The following CAP2 variants were observed in gnomAD, a reference collection of about 807,000 sequenced individuals.
The protein encoded by CAP2 is adenylyl cyclase-associated protein 2.
In CAP2, 24 loss-of-function variants were observed where a neutral mutation model predicts 57.7. That is an observed-to-expected ratio of 0.42 (90% CI 0.30 to 0.58). The LOEUF (loss-of-function observed/expected upper bound fraction) is 0.58, where lower values mean the gene tolerates loss of function less well. Among genes scored for constraint, CAP2 ranks in the 20% least tolerant of loss-of-function variants. The probability of loss-of-function intolerance (pLI) is 0.22; values close to 1 mark genes in which losing one functional copy is unlikely to be tolerated. For synonymous variants in CAP2, 194 were observed against 207.2 expected (o/e 0.94, Z 0.55); for missense variants, 501 against 590.3 (o/e 0.85, Z 1.57).
intron 4 of CAP2, among the ~76,000 whole-genome samples, chr6:17,488,872 A>C (rs1761483694): frequency 2.0e-5 from 3 of 152,156 alleles, no homozygotes; most frequent in Admixed American, 2.0e-4. Context: ...CTGCTGCTTC[A>C]TATCTGTTCC....
At chr6:17,418,847 C>T (rs562525633) in intron 1 of CAP2, among the ~76,000 whole-genome samples, 7 of 152,238 alleles carry the variant, frequency 4.6e-5, no homozygotes, top group South Asian at 2.1e-4. Flanking sequence ...AAGAGGATTA[C>T]GTAAAGGATT....
chr6:17,401,658 G>T (rs1448190142), intron 1 of CAP2, among the ~76,000 whole-genome samples: 1 of 152,220 alleles, frequency 6.6e-6, no homozygotes, highest in Non-Finnish European at 1.5e-5. Flanking sequence ...CGGCAGTCAT[G>T]CTAGAAGCTG....
chr6:17,537,433 C>T (rs1328563263), intron 7 of CAP2, among the ~76,000 whole-genome samples: 1 of 151,816 alleles, frequency 6.6e-6, no homozygotes, highest in African/African-American at 2.4e-5. Flanking sequence ...GTGATCCAAG[C>T]GATCTACCCT....
At chr6:17,420,882 G>A (rs182993343) in intron 1 of CAP2, among the ~76,000 whole-genome samples, 4 of 152,062 alleles carry the variant, frequency 2.6e-5, no homozygotes, top group Non-Finnish European at 2.9e-5. Context: ...TGAATTTCAC[G>A]TATTTTTCTG....
intron 1 of CAP2, among the ~76,000 whole-genome samples, chr6:17,415,995 C>T (rs182398307): frequency 2.0e-4 from 30 of 151,812 alleles, no homozygotes; most frequent in African/African-American, 7.0e-4. Flanking sequence ...CAAAAATGAC[C>T]CCAAAGAGAT....
At position 17,414,376 on chromosome 6, in the gene CAP2, A is replaced by G. The variant is rs554660861; in HGVS notation, c.-1-7179A>G. ...TGTGTCATGGTAGTTTGCTGCACCT[A>G]TTGACCCGTCCTCCAAGTTCCTCCC... is the stretch of plus-strand genomic sequence containing the variant. On this transcript the variant is annotated intron_variant, in intron 1 of 12. Transcript: ENST00000229922. Among the ~76,000 whole-genome samples the G allele has an allele frequency of 2.6e-5, 4 of 152,000 alleles. No homozygotes were observed. The South Asian group carries it at 8.3e-4, about 32-fold the overall frequency.
chr6:17,529,241 G>A (rs946964352), intron 7 of CAP2, among the ~76,000 whole-genome samples: 3 of 152,148 alleles, frequency 2.0e-5, no homozygotes, highest in African/African-American at 7.2e-5. Flanking sequence ...AAATTTGCAA[G>A]TTATTATGGA....
intron 3 of CAP2, among the ~76,000 whole-genome samples, chr6:17,455,980 G>C (rs1581534000): frequency 6.6e-6 from 1 of 152,178 alleles, no homozygotes; most frequent in African/African-American, 2.4e-5. Context: ...GCTGCTAACA[G>C]TTTTGTAGTG....
In CAP2 at chr6:17,421,061, A is replaced by G. The variant is rs565393245; in HGVS notation, c.-1-494A>G. Among the ~76,000 whole-genome samples, 67 of 152,360 alleles carry G rather than the reference A, an allele frequency of 4.4e-4. No individual in the cohort carries two copies. The South Asian group carries it at 0.013, about 30-fold the overall frequency. On this transcript the variant is annotated intron_variant, in intron 1 of 12. Transcript: ENST00000229922. Reference sequence around the variant, plus strand: ...TATGAAATACTAATCAGTCAAAGAAAGGAACAAAATAATGTCATTTACACT... The same window carrying G: ...TATGAAATACTAATCAGTCAAAGAAGGGAACAAAATAATGTCATTTACACT...
At chr6:17,456,077 C>CCT (rs1760561475) in intron 3 of CAP2, among the ~76,000 whole-genome samples, 2 of 152,288 alleles carry the variant, frequency 1.3e-5, no homozygotes, top group African/African-American at 4.8e-5. Flanking sequence ...ATCATTTAGG[C>CCT]CAGTGGTTTT....
intron 4 of CAP2, among the ~76,000 whole-genome samples, chr6:17,474,185 C>CTTTTTTTTTTTTTTTTTTTTTTTTTT (rs544909381): frequency 1.4e-4 from 13 of 93,208 alleles, no homozygotes; most frequent in Non-Finnish European, 1.8e-4. Context: ...AAAAAACAGT[C>CTTTTTTTTTTTTTTTTTTTTTTTTTT]TTTTTTTTTT....
At chr6:17,426,742 A>G (rs748082397) in intron 3 of CAP2, 52 bp downstream of exon 3, 1 of 1,199,674 alleles carries the variant, frequency 8.3e-7, no homozygotes, top group South Asian at 1.2e-5. Context: ...TTACCAGCCC[A>G]GCCTCTGACA....
At position 17,393,606 on chromosome 6, in the gene CAP2, G is replaced by A. The variant is rs1189260616; in HGVS notation, c.-142G>A. On this transcript the variant is annotated 5_prime_UTR_variant, in exon 1 of 13. Coordinates refer to ENST00000229922, the MANE Select transcript of CAP2 (RefSeq NM_006366.3). ...CGGAAGCTGCCGGCGACTCTCCCCT[G>A]GAGCAGCGTGACTGACACCGGCTCC... The A allele has an allele frequency of 6.6e-6, 1 of 152,244 alleles. No homozygotes were observed. The highest frequency in any genetic ancestry group is 1.5e-5 in the Non-Finnish European group (1 of 68,124). The allele number at this position is 152,244 out of a possible 1,614,324, so 9.4% of individuals were successfully genotyped here.
chr6:17,514,794 A>T (rs1762233463), intron 7 of CAP2, among the ~76,000 whole-genome samples: 1 of 152,226 alleles, frequency 6.6e-6, no homozygotes, highest in South Asian at 2.1e-4. Context: ...TAAGTCGTCC[A>T]TGGTAAGAAT....
At chr6:17,506,859 A>G (rs1055213339) in intron 4 of CAP2, among the ~76,000 whole-genome samples, 1 of 152,174 alleles carries the variant, frequency 6.6e-6, no homozygotes, top group Non-Finnish European at 1.5e-5. Context: ...TCAACACTCA[A>G]TTTCACTGTC....
At chr6:17,468,132 T>A (rs1760919483) in intron 4 of CAP2, among the ~76,000 whole-genome samples, 1 of 151,056 alleles carries the variant, frequency 6.6e-6, no homozygotes, top group African/African-American at 2.4e-5. Flanking sequence ...CATGTTGAAT[T>A]TTTTTTTTTA....
chr6:17,435,518 CTG>C (rs1159710345), intron 3 of CAP2, among the ~76,000 whole-genome samples: 1 of 75,352 alleles, frequency 1.3e-5, no homozygotes, highest in Non-Finnish European at 2.5e-5. Flanking sequence ...ATATCACACT[CTG>C]GGGACTGTGG....
intron 1 of CAP2, among the ~76,000 whole-genome samples, chr6:17,420,856 A>G (rs1368448318): frequency 6.6e-6 from 1 of 152,134 alleles, no homozygotes; most frequent in Non-Finnish European, 1.5e-5. Flanking sequence ...TTTTTGTTCC[A>G]AGTTTTAGGT....
chr6:17,541,403 A>T (rs1762897304), intron 9 of CAP2, among the ~76,000 whole-genome samples: 2 of 152,200 alleles, frequency 1.3e-5, no homozygotes, highest in Admixed American at 1.3e-4. Flanking sequence ...AACATGGTGA[A>T]ACCCTATCTC....
Sources: allele counts gnomAD v4.1 joint callset (sites outside exome capture counted in the v4.1 genomes callset), GRCh38; gene constraint gnomAD v4.1.1; transcripts MANE v1.5; gene names NCBI Gene and HGNC (gene_info 2026-07-23, HGNC 2026-07-21).